The following TRDN variants were observed in gnomAD, a reference collection of about 807,000 sequenced individuals.
TRDN encodes the protein triadin in skeletal muscle.
A neutral mutation model predicts 149.7 loss-of-function variants in TRDN; 161 were observed. The ratio of observed to expected loss-of-function variants is 1.08; its 90% CI spans 0.95 to 1.23. The LOEUF (loss-of-function observed/expected upper bound fraction) is 1.23. Among genes scored for constraint, TRDN ranks in the 50% most tolerant of loss-of-function variants. The pLI, the probability that TRDN is intolerant of heterozygous loss-of-function variation, is 0.00. For synonymous variants in TRDN, 294 were observed against 250.5 expected (o/e 1.17, Z -1.64); for missense variants, 896 against 823.5 (o/e 1.09, Z -1.08).
At chr6:123,232,041 C>G (rs1366813376) in intron 38 of TRDN, among the ~76,000 whole-genome samples, 1 of 151,914 alleles carries the variant, frequency 6.6e-6, no homozygotes, top group Non-Finnish European at 1.5e-5. Flanking sequence ...ATAGGTTAAG[C>G]TTCAGAAGAA....
At chr6:123,424,484 G>A (rs1427102171) in intron 12 of TRDN, among the ~76,000 whole-genome samples, 1 of 147,840 alleles carries the variant, frequency 6.8e-6, no homozygotes, top group East Asian at 2.0e-4. Flanking sequence ...TTCTGTCTGC[G>A]TTTTTTTTTT....
At position 123,515,657 on chromosome 6, in the gene TRDN, A is replaced by G. The variant is rs907786910; in HGVS notation, c.550+484T>C. ...TCTACTGTATGTGGGTTTGGCATGAAATGGGAGCCAGTAGGCTGGGAGCAA... is the reference window on the plus strand; with the variant it reads ...TCTACTGTATGTGGGTTTGGCATGAGATGGGAGCCAGTAGGCTGGGAGCAA... On this transcript the variant is annotated intron_variant, in intron 6 of 40. Transcript: ENST00000334268. 4.6e-5 allele frequency among the ~76,000 whole-genome samples: 7 copies of G among 152,058 alleles called. No homozygotes were observed. In the East Asian group the frequency reaches 5.8e-4, roughly 13 times the overall value.
At chr6:123,260,497 A>C (rs1776725874) in intron 34 of TRDN, 115 bp downstream of exon 34, 1 of 1,158,960 alleles carries the variant, frequency 8.6e-7, no homozygotes, top group Middle Eastern at 2.1e-4. Flanking sequence ...GTAGAACAGA[A>C]TATCTGGAAT....
intron 12 of TRDN, among the ~76,000 whole-genome samples, chr6:123,414,273 T>G (rs894193881): frequency 5.9e-5 from 9 of 152,096 alleles, no homozygotes; most frequent in African/African-American, 2.2e-4. Flanking sequence ...TTTAAAAAAA[T>G]TCTAGAAACC....
intron 14 of TRDN, among the ~76,000 whole-genome samples, chr6:123,386,285 C>T (rs1781903602): frequency 6.6e-6 from 1 of 152,132 alleles, no homozygotes. Flanking sequence ...ATCAGACCAA[C>T]TTCTCAGAGA....
intron 21 of TRDN, among the ~76,000 whole-genome samples, chr6:123,338,036 G>C (rs1212632756): frequency 6.6e-6 from 1 of 152,076 alleles, no homozygotes; most frequent in East Asian, 1.9e-4. Flanking sequence ...AACTCCATGA[G>C]GTATATAGGT....
chr6:123,564,976 T>C (rs73539130), intron 2 of TRDN, among the ~76,000 whole-genome samples: 4,237 of 152,258 alleles, frequency 0.028, 195 homozygotes, highest in African/African-American at 0.096. Context: ...AGTTACCACA[T>C]TCTATTGCTG....
rs150165710 is a variant in TRDN, at chr6:123,274,631, C to A, written c.1597+10G>T. On this transcript the variant is annotated intron_variant, in intron 27 of 40. Coordinates refer to ENST00000334268, the MANE Select transcript of TRDN (RefSeq NM_006073.4). ...AACTCTGAATCTATATAAAATAAAG[C>A]TCATGTTACCTGGTTTTGCTTCTTT... The A allele has an allele frequency of 1.4e-5, 23 of 1,605,314 alleles. No individual in the cohort carries two copies. In the Admixed American group the frequency reaches 3.9e-4, roughly 27 times the overall value.
chr6:123,219,286 T>A (rs1283030212), intron 40 of TRDN, among the ~76,000 whole-genome samples: 1 of 151,820 alleles, frequency 6.6e-6, no homozygotes, highest in African/African-American at 2.4e-5. Context: ...GTAGCAGCTC[T>A]GAGTAGAAAG....
intron 37 of TRDN, among the ~76,000 whole-genome samples, chr6:123,253,254 A>G (rs554930368): frequency 2.6e-4 from 40 of 152,022 alleles, no homozygotes; most frequent in Non-Finnish European, 4.6e-4. Flanking sequence ...AGACATTCTA[A>G]TTTCTTGAAA....
intron 4 of TRDN, among the ~76,000 whole-genome samples, chr6:123,546,491 G>T (rs939705715): frequency 6.6e-6 from 1 of 152,056 alleles, no homozygotes; most frequent in Non-Finnish European, 1.5e-5. Context: ...AGAAGCCAGG[G>T]TTATCTTCCT....
chr6:123,389,171 A>G (rs1213918779), intron 13 of TRDN, among the ~76,000 whole-genome samples: 1 of 152,126 alleles, frequency 6.6e-6, no homozygotes, highest in South Asian at 2.1e-4. Context: ...CATGAATCTA[A>G]ATCTGGATCC....
rs1001405321 is a variant in TRDN, at chr6:123,474,467, A to G, written c.854-9484T>C. 7.5e-3 allele frequency among the ~76,000 whole-genome samples: 1,141 copies of G among 152,180 alleles called. 10 individuals carry two copies. Among genetic ancestry groups the G allele is most frequent in the African/African-American group, 0.026 (1,066 of 41,458 alleles). On this transcript the variant is annotated intron_variant, in intron 9 of 40. Coordinates refer to ENST00000334268, the MANE Select transcript of TRDN (RefSeq NM_006073.4). ...TACAAAGAGACTTAGACTCCCACAC[A>G]TTAATAATGGGAGACTTTAACACCC...
intron 22 of TRDN, among the ~76,000 whole-genome samples, chr6:123,335,154 G>A (rs2114733019): frequency 1.3e-5 from 2 of 151,768 alleles, no homozygotes; most frequent in East Asian, 3.9e-4. Context: ...ACTTAGTAAT[G>A]ATAAATTATA....
chr6:123,532,809 A>G (rs1395385151), intron 4 of TRDN, among the ~76,000 whole-genome samples: 3 of 134,630 alleles, frequency 2.2e-5, no homozygotes, highest in African/African-American at 2.5e-5. Context: ...CTTAAATTAC[A>G]TATGTGACTC....
At chr6:123,242,082 T>C (rs1272482342) in intron 38 of TRDN, among the ~76,000 whole-genome samples, 2 of 152,192 alleles carry the variant, frequency 1.3e-5, no homozygotes, top group Non-Finnish European at 2.9e-5. Context: ...TTGGGATAAA[T>C]ATCTTGCCAG....
At position 123,252,385 on chromosome 6, in the gene TRDN, C is replaced by T. The variant is rs113739660; in HGVS notation, c.1975+27G>A. On this transcript the variant is annotated intron_variant, in intron 38 of 40. Coordinates refer to ENST00000334268, the MANE Select transcript of TRDN (RefSeq NM_006073.4). ...AATTGATACTATGTATCAAAGAGAA[C>T]TTGTCATTAATACAAACCGTACTTA... The T allele has an allele frequency of 2.0e-5, 29 of 1,423,426 alleles. No individual in the cohort carries two copies. The South Asian group carries it at 3.5e-4, about 17-fold the overall frequency. 88.2% of individuals were successfully genotyped at this position (1,423,426 alleles called of 1,614,324 possible).
At chr6:123,524,139 C>A (rs753508593) in intron 5 of TRDN, among the ~76,000 whole-genome samples, 1 of 152,112 alleles carries the variant, frequency 6.6e-6, no homozygotes, top group Non-Finnish European at 1.5e-5. Context: ...TTGAGTACCA[C>A]CCCTGGCAAC....
intron 1 of TRDN, among the ~76,000 whole-genome samples, chr6:123,611,147 C>T (rs1275539799): frequency 6.6e-6 from 1 of 152,066 alleles, no homozygotes; most frequent in East Asian, 1.9e-4. Context: ...CTTCATAATT[C>T]CTGTAAAATA....
Sources: gnomAD v4.1 joint callset for allele counts (sites outside exome capture counted in the v4.1 genomes callset) on GRCh38, gnomAD v4.1.1 for gene constraint, MANE v1.5 for transcripts, NCBI Gene and HGNC (gene_info 2026-07-23, HGNC 2026-07-21) for gene names.